Variants in CREB3L2 observed in about 807,000 individuals in gnomAD.
The protein encoded by CREB3L2 is cAMP responsive element binding protein 3 like 2.
A neutral mutation model predicts 57.2 loss-of-function variants in CREB3L2; 23 were observed. The observed-to-expected ratio is 0.40, with a 90% CI of 0.29 to 0.57. The LOEUF is 0.57. Ranked by LOEUF, CREB3L2 falls within the 20% of genes least tolerant of loss-of-function variation. The probability of loss-of-function intolerance (pLI) is 0.42; values close to 1 mark genes in which losing one functional copy is unlikely to be tolerated. For synonymous variants in CREB3L2, 268 were observed against 265.1 expected (o/e 1.01, Z -0.11); for missense variants, 628 against 634.7 (o/e 0.99, Z 0.11).
chr7:137,922,453 T>TACACAC (rs199805163), intron 2 of CREB3L2: 3 of 72,580 alleles, frequency 4.1e-5, no homozygotes, highest in Admixed American at 1.5e-4. Context: ...TATATATATA[T>TACACAC]ACACACATAT....
chr7:137,927,385 G>GGGAGGGAA (rs996352869), intron 2 of CREB3L2, among the ~76,000 whole-genome samples: 19 of 140,494 alleles, frequency 1.4e-4, no homozygotes, highest in African/African-American at 5.1e-4. Context: ...AGAGAAGGAA[G>GGGAGGGAA]GGAGGGAAGG....
intron 1 of CREB3L2, among the ~76,000 whole-genome samples, chr7:137,989,000 A>G (rs1801837038): frequency 6.6e-6 from 1 of 152,122 alleles, no homozygotes; most frequent in Non-Finnish European, 1.5e-5. Context: ...AAAAGAAAGA[A>G]AAAAGAAAAG....
intron 10 of CREB3L2, among the ~76,000 whole-genome samples, chr7:137,883,507 G>T (rs1017897772): frequency 1.3e-5 from 2 of 152,156 alleles, no homozygotes; most frequent in African/African-American, 2.4e-5. Flanking sequence ...AGCATGTAGG[G>T]TTCATATGCC....
intron 8 of CREB3L2, among the ~76,000 whole-genome samples, chr7:137,886,548 A>T (rs1297252382): frequency 6.6e-6 from 1 of 151,570 alleles, no homozygotes; most frequent in African/African-American, 2.4e-5. Flanking sequence ...CTGCAGCTCA[A>T]GCCTGTGGTT....
intron 2 of CREB3L2, among the ~76,000 whole-genome samples, chr7:137,918,540 C>T (rs1401530223): frequency 1.3e-5 from 2 of 152,012 alleles, no homozygotes; most frequent in Non-Finnish European, 2.9e-5. Flanking sequence ...ATATTTATCC[C>T]TGGCAAAGGC....
rs554804162 is a variant in CREB3L2 at position 137,917,733 on chromosome 7, T to A, written c.320-1721A>T. Among the ~76,000 whole-genome samples, 21 of 152,342 alleles carry A rather than the reference T, an allele frequency of 1.4e-4. No homozygotes were observed. In the South Asian group the frequency reaches 4.4e-3, roughly 32 times the overall value. ...AAATGTTAGGTTCATATTTGAGGAATGATTTCCCCCTTAAATCCAGTTTAT... is the reference window on the plus strand; with the variant it reads ...AAATGTTAGGTTCATATTTGAGGAAAGATTTCCCCCTTAAATCCAGTTTAT... On this transcript the variant is annotated intron_variant, in intron 2 of 11. Transcript: ENST00000330387.
intron 7 of CREB3L2, among the ~76,000 whole-genome samples, 186 bp from the exon 8 acceptor site, chr7:137,901,608 C>T (rs1453553242): frequency 6.6e-5 from 10 of 150,970 alleles, no homozygotes; most frequent in Admixed American, 1.3e-4. Context: ...AGGCCGGGCA[C>T]GGTGGCTCAC....
chr7:137,909,495 A>C (rs1281257724), intron 4 of CREB3L2, among the ~76,000 whole-genome samples: 2 of 152,228 alleles, frequency 1.3e-5, no homozygotes, highest in African/African-American at 4.8e-5. Flanking sequence ...CTACTGAGCC[A>C]AGGGAGATAA....
chr7:137,976,421 C>A (rs1585671682), intron 1 of CREB3L2, among the ~76,000 whole-genome samples: 1 of 152,196 alleles, frequency 6.6e-6, no homozygotes, highest in East Asian at 1.9e-4. Context: ...TCAAACCTGG[C>A]TGCATATTAC....
At chr7:137,941,484 A>G (rs1007691171) in intron 1 of CREB3L2, among the ~76,000 whole-genome samples, 1 of 152,130 alleles carries the variant, frequency 6.6e-6, no homozygotes, top group African/African-American at 2.4e-5. Context: ...CATAAACCTC[A>G]ACCAGCTGAG....
intron 1 of CREB3L2, among the ~76,000 whole-genome samples, chr7:137,953,048 C>T (rs1242368586): frequency 6.6e-6 from 1 of 152,220 alleles, no homozygotes; most frequent in Non-Finnish European, 1.5e-5. Context: ...AACTCCTGAC[C>T]TCAAGTGATC....
intron 8 of CREB3L2, among the ~76,000 whole-genome samples, chr7:137,898,631 G>A (rs540955642): frequency 8.7e-4 from 133 of 152,272 alleles, no homozygotes; most frequent in Middle Eastern, 6.8e-3. Flanking sequence ...CCTTCTGATG[G>A]AGGCATGTAG....
intron 8 of CREB3L2, among the ~76,000 whole-genome samples, chr7:137,899,732 C>T (rs965441969): frequency 6.6e-6 from 1 of 152,192 alleles, no homozygotes; most frequent in Admixed American, 6.5e-5. Context: ...GTGAACTGCC[C>T]CTGACTGCTA....
intron 7 of CREB3L2, 71 bp downstream of exon 7, chr7:137,903,888 C>A (rs1252594422): frequency 2.3e-6 from 3 of 1,308,744 alleles, no homozygotes; most frequent in Admixed American, 3.4e-5. Context: ...TGCTTCTCCC[C>A]GATTCTCCGC....
In CREB3L2 at chr7:137,884,696, C is replaced by T. The variant is rs780860694; in HGVS notation, c.1270+299G>A. The T allele has an allele frequency of 8.1e-4, 483 of 593,350 alleles. 2 individuals carry two copies. The highest frequency in any genetic ancestry group is 1.8e-4 in the Non-Finnish European group (60 of 334,122). 36.8% of individuals were successfully genotyped at this position (593,350 alleles called of 1,614,324 possible). A position where few individuals can be genotyped will look rare whatever the true frequency, so the allele number is the denominator to read the frequency against. ...AGCGACAGACTCTTTCCCTCATCTG[C>T]TTCCCTCTCCCTTATCAGAACTCAA... On this transcript the variant is annotated intron_variant, in intron 10 of 11. Transcript: ENST00000330387.
At chr7:137,916,306 G>A (rs1464751630) in intron 2 of CREB3L2, among the ~76,000 whole-genome samples, 1 of 152,150 alleles carries the variant, frequency 6.6e-6, no homozygotes, top group Non-Finnish European at 1.5e-5. Flanking sequence ...GGGTTGATGG[G>A]GAATAGAATA....
At chr7:137,979,084 A>G (rs1563272138) in intron 1 of CREB3L2, among the ~76,000 whole-genome samples, 2 of 152,304 alleles carry the variant, frequency 1.3e-5, no homozygotes, top group South Asian at 4.1e-4. Flanking sequence ...GTAATTGACC[A>G]TATCTGCCTG....
In CREB3L2 at chr7:137,879,654, G is replaced by A. The variant is rs1221891448; in HGVS notation, c.*822C>T. 1 of 240,024 alleles carries A rather than the reference G, an allele frequency of 4.2e-6. No homozygotes were observed. The highest frequency in any genetic ancestry group is 8.2e-6 in the Non-Finnish European group (1 of 122,670). The allele number at this position is 240,024 out of a possible 1,614,324, so 14.9% of individuals were successfully genotyped here. A position where few individuals can be genotyped will look rare whatever the true frequency, so the allele number is the denominator to read the frequency against. On this transcript the variant is annotated 3_prime_UTR_variant, in exon 12 of 12. Transcript: ENST00000330387. ...GAGCCTAGGGTGCCCTCCTAGCTCTGAAGGCTCGCAGAAAACTTGGCTAGC... is the reference window on the plus strand; with the variant it reads ...GAGCCTAGGGTGCCCTCCTAGCTCTAAAGGCTCGCAGAAAACTTGGCTAGC...
rs1799167716 is a variant in CREB3L2 at position 137,876,886 on chromosome 7, C to A, written c.*3590G>T. 4.3e-6 allele frequency: 1 copy of A among 232,222 alleles called. No homozygotes were observed. Among genetic ancestry groups the A allele is most frequent in the Non-Finnish European group, 8.5e-6 (1 of 117,440 alleles). 14.4% of individuals were successfully genotyped at this position (232,222 alleles called of 1,614,324 possible). A position where few individuals can be genotyped will look rare whatever the true frequency, so the allele number is the denominator to read the frequency against. On this transcript the variant is annotated 3_prime_UTR_variant, in exon 12 of 12. Coordinates refer to ENST00000330387, the MANE Select transcript of CREB3L2 (RefSeq NM_194071.4). ...GTTGGCAAGGTTGGCATGAATGGGC[C>A]ATTATTCAACTGGGGGTGGGATGTC...
Sources: allele counts gnomAD v4.1 joint callset (sites outside exome capture counted in the v4.1 genomes callset), GRCh38; gene constraint gnomAD v4.1.1; transcripts MANE v1.5; gene names NCBI Gene and HGNC (gene_info 2026-07-23, HGNC 2026-07-21).